PHF3: variants seen among roughly 807,000 people sequenced by gnomAD.
The protein encoded by PHF3 is PHD finger protein 3.
A neutral mutation model predicts 178.4 loss-of-function variants in PHF3; 41 were observed. That is an observed-to-expected ratio of 0.23 (90% CI 0.18 to 0.30). The LOEUF is 0.30. PHF3 is among the 10% of genes least tolerant of loss of function. The pLI is 1.00. For synonymous variants in PHF3, 842 were observed against 800.5 expected (o/e 1.05, Z -0.88); for missense variants, 2,346 against 2,398.1 (o/e 0.98, Z 0.45).
chr6:63,706,447 T>G (rs1767695836), intron 12 of PHF3, among the ~76,000 whole-genome samples: 1 of 152,206 alleles, frequency 6.6e-6, no homozygotes, highest in South Asian at 2.1e-4. Flanking sequence ...TTTAAAATTC[T>G]CTTTAATTAT....
intron 1 of PHF3, among the ~76,000 whole-genome samples, chr6:63,637,289 T>A (rs1234051573): frequency 6.6e-6 from 1 of 152,204 alleles, no homozygotes; most frequent in Non-Finnish European, 1.5e-5. Context: ...CGAACTTGTC[T>A]TCCCTTTGAC....
intron 1 of PHF3, among the ~76,000 whole-genome samples, chr6:63,645,883 G>A (rs902156042): frequency 6.6e-6 from 1 of 151,918 alleles, no homozygotes; most frequent in African/African-American, 2.4e-5. Context: ...AGGGGGCCTT[G>A]AAAAAAGGTG....
At position 63,685,132 on chromosome 6, in the gene PHF3, CAG is replaced by C; in HGVS notation, c.1412_1413del (p.Arg471LysfsTer6). The C allele has an allele frequency of 6.2e-7, 1 of 1,614,016 alleles. No homozygotes were observed. The highest frequency in any genetic ancestry group is 8.5e-7 in the Non-Finnish European group (1 of 1,180,010). Reference sequence around the variant, plus strand: ...ATGAAACAGCAAACCTTCAGGATGACAGAAACAGCCAGTCAAGTAGCGTTTCT... The same window carrying C: ...ATGAAACAGCAAACCTTCAGGATGACAAACAGCCAGTCAAGTAGCGTTTCT... ...SHETANLQDD[R>X]NSQSSSVSYL... On this transcript the variant is annotated frameshift_variant, in exon 4 of 16. Coordinates refer to ENST00000262043, the MANE Select transcript of PHF3 (RefSeq NM_001370348.2). LOFTEE classifies it high-confidence loss of function.
chr6:63,711,879 G>A lies in PHF3; in HGVS notation c.4291G>A (p.Val1431Ile), dbSNP rs1169930471. 1 of 1,614,056 alleles carries A rather than the reference G, an allele frequency of 6.2e-7. No individual in the cohort carries two copies. Among genetic ancestry groups the A allele is most frequent in the South Asian group, 1.1e-5 (1 of 91,082 alleles). The change falls in exon 16 of 16, where the codon GTC becomes ATC. Residue 1431 changes from valine to isoleucine, a missense_variant. Physicochemically the swap from Val to Ile is conservative, Grantham distance 29 (BLOSUM62 3). Around this residue, in one of 8 missense-constraint regions of PHF3, gnomAD observed 839 missense variants for 806.9 expected, o/e 1.04. Coordinates refer to ENST00000262043, the MANE Select transcript of PHF3 (RefSeq NM_001370348.2). ...AACAGCAGTTGAACCTTTAATGGAAGTCACCAAACAGGAGCCACCAAAACC... is the reference window on the plus strand; with the variant it reads ...AACAGCAGTTGAACCTTTAATGGAAATCACCAAACAGGAGCCACCAAAACC... ...LPTAVEPLME[V>I]TKQEPPKPLR...
At chr6:63,705,566 T>G (rs1468744703) in intron 11 of PHF3, among the ~76,000 whole-genome samples, 1 of 152,200 alleles carries the variant, frequency 6.6e-6, no homozygotes, top group Non-Finnish European at 1.5e-5. Flanking sequence ...GTGTAATGGT[T>G]TCATCCTGAA....
Position 63,698,321 on chromosome 6 carries a change from A to G in PHF3, c.2779A>G (p.Ile927Val). 6.2e-7 allele frequency: 1 copy of G among 1,612,920 alleles called. No homozygotes were observed. The highest frequency in any genetic ancestry group is 8.5e-7 in the Non-Finnish European group (1 of 1,179,208). Residue 927 changes from isoleucine to valine, a missense_variant, in exon 7 of 16, where the codon ATC becomes GTC. Ile to Val is a conservative substitution (Grantham distance 29, BLOSUM62 3). Coordinates refer to ENST00000262043, the MANE Select transcript of PHF3 (RefSeq NM_001370348.2). The part of the protein sequence containing the change: ...ASASKPSADQ[I>V]RQSVRHSLKD... ...TGCTTCCAAGCCTTCTGCAGATCAG[A>G]TCAGGCAAAGTGTCAGACATTCTCT...
chr6:63,701,440 G>C (rs1252674381), intron 9 of PHF3, among the ~76,000 whole-genome samples: 2 of 152,132 alleles, frequency 1.3e-5, no homozygotes. Flanking sequence ...TAAAAATTAA[G>C]TATGTTACTT....
intron 2 of PHF3, among the ~76,000 whole-genome samples, chr6:63,650,129 A>G (rs952840240): frequency 6.6e-6 from 1 of 152,180 alleles, no homozygotes. Flanking sequence ...TTTTTACAAT[A>G]TAGTTCAACA....
At position 63,685,104 on chromosome 6, in the gene PHF3, C is replaced by T. The variant is rs775617680; in HGVS notation, c.1382C>T (p.Ser461Phe). ...GCTATAGAAAGTACTAAAATAGAGTCCCATGAAACAGCAAACCTTCAGGAT... is the reference window on the plus strand; with the variant it reads ...GCTATAGAAAGTACTAAAATAGAGTTCCATGAAACAGCAAACCTTCAGGAT... ...LNAIESTKIE[S>F]HETANLQDDR... Residue 461 changes from serine (S) to phenylalanine (F), a missense_variant, in exon 4 of 16, where the codon TCC (serine) becomes TTC (phenylalanine). Coordinates refer to ENST00000262043, the MANE Select transcript of PHF3 (RefSeq NM_001370348.2). 5.0e-6 allele frequency: 8 copies of T among 1,613,874 alleles called. No individual in the cohort carries two copies. Among genetic ancestry groups the T allele is most frequent in the African/African-American group, 1.3e-5 (1 of 74,890 alleles).
At position 63,721,634 on chromosome 6, in the gene PHF3, T is replaced by C. The variant is rs1403000124; in HGVS notation, c.*7926T>C. The C allele has an allele frequency of 2.6e-6, 4 of 1,551,252 alleles. No homozygotes were observed. Among genetic ancestry groups the C allele is most frequent in the Non-Finnish European group, 3.5e-6 (4 of 1,146,496 alleles). On this transcript the variant is annotated 3_prime_UTR_variant, in exon 16 of 16. Coordinates refer to ENST00000262043, the MANE Select transcript of PHF3 (RefSeq NM_001370348.2). The stretch of plus-strand genomic sequence containing the variant: ...CCTTTTCTGTTACATTTATCCCATC[T>C]AGATCCAGGTAGCCTTCTGCACCAA...
In PHF3 at chr6:63,706,216, T is replaced by C; in HGVS notation, c.3555T>C (p.Pro1185=). 7 of 1,607,566 alleles carry C rather than the reference T, an allele frequency of 4.4e-6. No individual in the cohort carries two copies. The highest frequency in any genetic ancestry group is 5.1e-6 in the Non-Finnish European group (6 of 1,177,236). The change falls in exon 12 of 16, where the codon CCT becomes CCC. Residue 1185 remains proline, a synonymous_variant. Coordinates refer to ENST00000262043, the MANE Select transcript of PHF3 (RefSeq NM_001370348.2). ...KQESPKSTFS[P]APRPEMPGTV... is the part of the protein sequence containing the mutation. ...AGTCTCCAAAGTCAACGTTCTCTCCTGCTCCACGGTAATTTTCTCTGTTGT... is the reference window on the plus strand; with the variant it reads ...AGTCTCCAAAGTCAACGTTCTCTCCCGCTCCACGGTAATTTTCTCTGTTGT...
chr6:63,680,398 A>ATTTTTTTTT (rs994238749), intron 3 of PHF3, among the ~76,000 whole-genome samples: 1 of 117,598 alleles, frequency 8.5e-6, no homozygotes, highest in African/African-American at 3.2e-5. Flanking sequence ...AGCTGGTTTA[A>ATTTTTTTTT]TTTTTTTTTT....
At chr6:63,687,548 C>A (rs1390162640) in intron 4 of PHF3, among the ~76,000 whole-genome samples, 1 of 152,188 alleles carries the variant, frequency 6.6e-6, no homozygotes, top group African/African-American at 2.4e-5. Flanking sequence ...CTGCCAGAAT[C>A]TTTAAAAAAT....
intron 4 of PHF3, among the ~76,000 whole-genome samples, chr6:63,687,666 C>T (rs536156118): frequency 4.6e-5 from 7 of 152,322 alleles, no homozygotes; most frequent in African/African-American, 1.7e-4. Flanking sequence ...ATGTAACGTA[C>T]TAACCTTGTA....
rs1384577266 is a variant in PHF3 at position 63,724,494 on chromosome 6, G to C, written c.*10786G>C. ...GCAATGACTAGGCCTTTTTATACAC[G>C]TTGGGAGGATTATAACTATATCAGA... On this transcript the variant is annotated 3_prime_UTR_variant, in exon 16 of 16. Coordinates refer to ENST00000262043, the MANE Select transcript of PHF3 (RefSeq NM_001370348.2). 6.6e-6 allele frequency among the ~76,000 whole-genome samples: 1 copy of C among 152,052 alleles called. No individual in the cohort carries two copies.
rs1420757804 is a variant in PHF3, at chr6:63,680,166, TC to T, written c.406+7del. ...CACCTCGTTTAATGGCACAAGGTAA[TC>T]CTTTGAGAGAGGTCTAGCTAGAAAA... is the stretch of plus-strand genomic sequence containing the variant. On this transcript the variant is annotated splice_donor_region_variant and intron_variant, in intron 3 of 15. Coordinates refer to ENST00000262043, the MANE Select transcript of PHF3 (RefSeq NM_001370348.2). 3 of 1,596,586 alleles carry T rather than the reference TC, an allele frequency of 1.9e-6. No individual in the cohort carries two copies. In the Admixed American group the frequency reaches 5.3e-5, roughly 28 times the overall value.
At chr6:63,636,183 C>T in intron 1 of PHF3, 33 bp downstream of exon 1, 1 of 375,182 alleles carries the variant, frequency 2.7e-6, no homozygotes, top group Non-Finnish European at 4.7e-6. Flanking sequence ...GCCAGGGAGA[C>T]GGGCAATCCT....
intron 11 of PHF3, among the ~76,000 whole-genome samples, chr6:63,705,208 A>G (rs768049905): frequency 4.6e-5 from 7 of 152,212 alleles, no homozygotes; most frequent in Non-Finnish European, 7.3e-5. Context: ...AAATTGTCAG[A>G]GAATTAAGAA....
In PHF3 at chr6:63,713,345, C is replaced by A; in HGVS notation, c.5757C>A (p.Asp1919Glu). The A allele has an allele frequency of 6.2e-7, 1 of 1,613,894 alleles. No individual in the cohort carries two copies. Among genetic ancestry groups the A allele is most frequent in the Non-Finnish European group, 8.5e-7 (1 of 1,179,944 alleles). Reference sequence around the variant, plus strand: ...GGCCATTTAATAGGGGTAAAGGGGACCGCCAGAGATTTTATAGTGATTCAC... The same window carrying A: ...GGCCATTTAATAGGGGTAAAGGGGAACGCCAGAGATTTTATAGTGATTCAC... Reference protein sequence around the residue: ...LDRPFNRGKGDRQRFYSDSHH... With the variant: ...LDRPFNRGKGERQRFYSDSHH... Residue 1919 changes from aspartate to glutamate, a missense_variant, in exon 16 of 16, where the codon GAC becomes GAA. Around this residue, in one of 8 missense-constraint regions of PHF3, gnomAD observed 839 missense variants for 806.9 expected, o/e 1.04. Coordinates refer to ENST00000262043, the MANE Select transcript of PHF3 (RefSeq NM_001370348.2).
Sources: allele counts gnomAD v4.1 joint callset (sites outside exome capture counted in the v4.1 genomes callset), GRCh38; gene constraint gnomAD v4.1.1; regional missense constraint gnomAD v4.1.1; transcripts MANE v1.5; gene names NCBI Gene and HGNC (gene_info 2026-07-23, HGNC 2026-07-21).